HYAL4: variants seen among roughly 807,000 people sequenced by gnomAD.
HYAL4 encodes the protein hyaluronidase 4.
In HYAL4, 37 loss-of-function variants were observed where a neutral mutation model predicts 35.2. The observed-to-expected ratio is 1.05, with a 90% CI of 0.81 to 1.38. The LOEUF (loss-of-function observed/expected upper bound fraction) is 1.38, where lower values mean the gene tolerates loss of function less well. HYAL4 is among the 40% of genes most tolerant of loss of function. The pLI is 0.00. For synonymous variants in HYAL4, 198 were observed against 203.2 expected (o/e 0.97, Z 0.22); for missense variants, 572 against 572.4 (o/e 1.00, Z 0.01).
chr7:123,804,742 G>A, the HYAL4 span, among the ~76,000 whole-genome samples: 4 of 152,098 alleles, frequency 2.6e-5, no homozygotes, highest in Admixed American at 1.3e-4. Flanking sequence ...TGAATGTGGT[G>A]GTGAACTCTG....
the HYAL4 span, among the ~76,000 whole-genome samples, chr7:123,797,389 T>TTGGAG: frequency 1.3e-5 from 2 of 152,196 alleles, no homozygotes; most frequent in South Asian, 2.1e-4. Flanking sequence ...CTAAGTAACC[T>TTGGAG]TTTAGTCAAA....
chr7:123,771,582 C>G, the HYAL4 span, among the ~76,000 whole-genome samples: 2 of 152,196 alleles, frequency 1.3e-5, no homozygotes, highest in South Asian at 4.2e-4. Context: ...TCACTAATAT[C>G]TTGTTGCAAT....
At chr7:123,827,460 C>A (rs932662102), upstream of HYAL4, among the ~76,000 whole-genome samples, 1 of 152,066 alleles carries the variant, frequency 6.6e-6, no homozygotes, top group Non-Finnish European at 1.5e-5. Flanking sequence ...TCCTTCCCAA[C>A]TGCCCTTTTC....
chr7:123,869,845 C>CG (rs1012951929), intron 3 of HYAL4, among the ~76,000 whole-genome samples: 6 of 148,200 alleles, frequency 4.0e-5, no homozygotes, highest in African/African-American at 1.5e-4. Context: ...TCACCCCCCC[C>CG]CACCCAGCTA....
At chr7:123,810,041 C>T in the HYAL4 span, among the ~76,000 whole-genome samples, 1 of 152,196 alleles carries the variant, frequency 6.6e-6, no homozygotes, top group African/African-American at 2.4e-5. Flanking sequence ...TAAAAGTTAA[C>T]TCTTTTTTCG....
At chr7:123,873,240 C>G (rs1229714248) in intron 3 of HYAL4, among the ~76,000 whole-genome samples, 2 of 152,122 alleles carry the variant, frequency 1.3e-5, no homozygotes, top group East Asian at 3.9e-4. Flanking sequence ...TATACTATCT[C>G]ATTTGAGCCT....
chr7:123,800,727 G>T, the HYAL4 span, among the ~76,000 whole-genome samples: 11 of 151,670 alleles, frequency 7.3e-5, no homozygotes, highest in African/African-American at 2.7e-4. Context: ...TCTGATCTCG[G>T]CTCAGTGCAA....
the HYAL4 span, among the ~76,000 whole-genome samples, chr7:123,815,496 A>G: frequency 6.6e-6 from 1 of 152,210 alleles, no homozygotes; most frequent in Non-Finnish European, 1.5e-5. Context: ...AAAAAATTAC[A>G]TAGGTTCTCT....
At chr7:123,819,650 T>C in the HYAL4 span, among the ~76,000 whole-genome samples, 8 of 152,096 alleles carry the variant, frequency 5.3e-5, no homozygotes, top group African/African-American at 1.7e-4. Flanking sequence ...ATCAGACAGC[T>C]AAGTGAGAAA....
chr7:123,877,282 C>T lies in HYAL4; in HGVS notation c.*127C>T, dbSNP rs1807054809. The T allele has an allele frequency of 1.1e-6, 1 of 922,064 alleles. No individual in the cohort carries two copies. Among genetic ancestry groups the T allele is most frequent in the Non-Finnish European group, 1.6e-6 (1 of 622,504 alleles). The allele number at this position is 922,064 out of a possible 1,614,324, so 57.1% of individuals were successfully genotyped here. A position where few individuals can be genotyped will look rare whatever the true frequency, so the allele number is the denominator to read the frequency against. On this transcript the variant is annotated 3_prime_UTR_variant, in exon 5 of 5. Coordinates refer to ENST00000223026, the MANE Select transcript of HYAL4 (RefSeq NM_012269.3). ...TATTATAAGTAGACATTATGTATGT[C>T]ACTTAACATAAACAGAAACATTATT...
chr7:123,768,445 T>G, the HYAL4 span, among the ~76,000 whole-genome samples: 10,004 of 152,256 alleles, frequency 0.066, 412 homozygotes, highest in East Asian at 0.11. Flanking sequence ...AGTGAAACTA[T>G]AGGGCATTTT....
intron 3 of HYAL4, among the ~76,000 whole-genome samples, chr7:123,871,144 A>AT (rs928698325): frequency 6.6e-6 from 1 of 151,692 alleles, no homozygotes; most frequent in African/African-American, 2.4e-5. Context: ...GTTTTAAACT[A>AT]TAAGTGTACC....
intron 2 of HYAL4, among the ~76,000 whole-genome samples, chr7:123,854,628 G>A (rs1806388213): frequency 6.6e-6 from 1 of 152,204 alleles, no homozygotes; most frequent in Admixed American, 6.5e-5. Context: ...GCTGAGGAAT[G>A]TTTTACTTCC....
At chr7:123,824,192 A>G (rs1805768289), upstream of HYAL4, among the ~76,000 whole-genome samples, 1 of 152,100 alleles carries the variant, frequency 6.6e-6, no homozygotes. Context: ...AAATAATAGT[A>G]TCTCTCCTAT....
chr7:123,874,831 T>C lies in HYAL4; in HGVS notation c.1025T>C (p.Met342Thr), dbSNP rs1279290426. The C allele has an allele frequency of 2.5e-6, 4 of 1,592,108 alleles. 1 individual carries two copies. The Admixed American group carries it at 6.7e-5, about 27-fold the overall frequency. ...GCAGGCATTGTTATTTGGGGAGACATGAATTTAACTGCATCCAAGGTAAGT... is the reference window on the plus strand; with the variant it reads ...GCAGGCATTGTTATTTGGGGAGACACGAATTTAACTGCATCCAAGGTAAGT... ...GAAGIVIWGD[M>T]NLTASKANCT... is the part of the protein sequence containing the mutation. Residue 342 changes from methionine to threonine, a missense_variant, in exon 4 of 5, where the codon ATG becomes ACG. Met to Thr is a moderately conservative substitution (Grantham distance 81). Coordinates refer to ENST00000223026, the MANE Select transcript of HYAL4 (RefSeq NM_012269.3).
chr7:123,771,908 G>A, the HYAL4 span, among the ~76,000 whole-genome samples: 1 of 150,842 alleles, frequency 6.6e-6, no homozygotes, highest in African/African-American at 2.4e-5. Context: ...CATATAAACT[G>A]TTGCGGGTCT....
chr7:123,855,317 G>T (rs770683903), intron 2 of HYAL4, among the ~76,000 whole-genome samples: 12 of 152,080 alleles, frequency 7.9e-5, no homozygotes, highest in Non-Finnish European at 1.5e-4. Flanking sequence ...TTACATTTTG[G>T]TATGTTTTTG....
rs944366086 is a variant in HYAL4, at chr7:123,850,792, G to A, written c.-52+2634G>A. On this transcript the variant is annotated intron_variant, in intron 2 of 4. Coordinates refer to ENST00000223026, the MANE Select transcript of HYAL4 (RefSeq NM_012269.3). Reference sequence around the variant, plus strand: ...GAACTGGCTACAATCCTAGGCTGGAGTTCCTCCTGCCTTTGTCAAGAGAAT... The same window carrying A: ...GAACTGGCTACAATCCTAGGCTGGAATTCCTCCTGCCTTTGTCAAGAGAAT... Among the ~76,000 whole-genome samples the A allele has an allele frequency of 4.9e-4, 75 of 152,164 alleles. 1 individual carries two copies. Among genetic ancestry groups the A allele is most frequent in the Non-Finnish European group, 1.8e-4 (12 of 68,038 alleles).
At chr7:123,766,213 T>C in the HYAL4 span, among the ~76,000 whole-genome samples, 2 of 152,198 alleles carry the variant, frequency 1.3e-5, no homozygotes, top group Non-Finnish European at 2.9e-5. Flanking sequence ...AGGTTCCTAA[T>C]TGTAATTGCT....
Sources: allele counts gnomAD v4.1 joint callset (sites outside exome capture counted in the v4.1 genomes callset), GRCh38; gene constraint gnomAD v4.1.1; transcripts MANE v1.5; gene names NCBI Gene and HGNC (gene_info 2026-07-23, HGNC 2026-07-21).